Variants in SLC27A2 observed in about 807,000 individuals in gnomAD.
The protein encoded by SLC27A2 is long-chain fatty acid transport protein 2.
A neutral mutation model predicts 60.0 loss-of-function variants in SLC27A2; 54 were observed. The observed-to-expected ratio is 0.90, with a 90% CI of 0.72 to 1.13. The LOEUF is 1.13. SLC27A2 is among the 50% of genes most tolerant of loss of function. The pLI is 0.00. For missense variants in SLC27A2, 739 were observed against 777.6 expected (o/e 0.95, Z 0.59); for synonymous variants, 297 against 297.6 (o/e 1.00, Z 0.02).
chr15:50,195,739 A>G (rs894094909), intron 1 of SLC27A2, among the ~76,000 whole-genome samples: 3 of 151,832 alleles, frequency 2.0e-5, no homozygotes, highest in Admixed American at 6.6e-5. Context: ...AAAACAAAGC[A>G]TATCAGATGA....
chr15:50,229,092 A>G lies in SLC27A2; in HGVS notation c.1555+50A>G, dbSNP rs773934990. 6 of 1,358,418 alleles carry G rather than the reference A, an allele frequency of 4.4e-6. No homozygotes were observed. The South Asian group carries it at 6.1e-5, about 14-fold the overall frequency. 84.1% of individuals were successfully genotyped at this position (1,358,418 alleles called of 1,614,324 possible). On this transcript the variant is annotated intron_variant, in intron 8 of 9. Coordinates refer to ENST00000267842, the MANE Select transcript of SLC27A2 (RefSeq NM_003645.4). ...CTAACCCATAGAGTAACTGAACATA[A>G]TTTTGGCCTCAAGGCGAAGTTTGTC...
At chr15:50,188,632 G>A (rs759319421) in intron 1 of SLC27A2, among the ~76,000 whole-genome samples, 18 of 152,150 alleles carry the variant, frequency 1.2e-4, no homozygotes, top group Admixed American at 2.0e-4. Flanking sequence ...TAATTCCCTA[G>A]TAATGTCTAG....
chr15:50,232,849 C>T (rs1400569238), intron 8 of SLC27A2, among the ~76,000 whole-genome samples: 1 of 152,040 alleles, frequency 6.6e-6, no homozygotes, highest in African/African-American at 2.4e-5. Flanking sequence ...TGCTGTTTGC[C>T]TTCTTTAGAG....
chr15:50,195,832 G>A (rs1030138766), intron 1 of SLC27A2, among the ~76,000 whole-genome samples: 2 of 150,406 alleles, frequency 1.3e-5, no homozygotes, highest in African/African-American at 4.9e-5. Flanking sequence ...GAGGCGGGCG[G>A]ATCCCGAGGT....
intron 1 of SLC27A2, among the ~76,000 whole-genome samples, chr15:50,187,783 C>T (rs1268027403): frequency 6.6e-6 from 1 of 152,138 alleles, no homozygotes; most frequent in Non-Finnish European, 1.5e-5. Flanking sequence ...AGGAAAAATG[C>T]TTACAATAGC....
intron 1 of SLC27A2, 28 bp from the exon 2 acceptor site, chr15:50,197,472 G>A: frequency 6.5e-7 from 1 of 1,542,424 alleles, no homozygotes; most frequent in Non-Finnish European, 9.0e-7. Flanking sequence ...GATTTAGTTT[G>A]TTTTGATATT....
rs550484816 is a variant in SLC27A2, at chr15:50,197,422, T to G, written c.479-78T>G. ...CAAAAAATTATGCTGAAAATAAAAT[T>G]ATGATGCTTGTTGAAGCACTAATAG... On this transcript the variant is annotated intron_variant, in intron 1 of 9. Transcript: ENST00000267842. 2.2e-5 allele frequency: 24 copies of G among 1,103,092 alleles called. No homozygotes were observed. The South Asian group carries it at 3.1e-4, about 14-fold the overall frequency. The allele number at this position is 1,103,092 out of a possible 1,614,324, so 68.3% of individuals were successfully genotyped here.
At position 50,182,587 on chromosome 15, in the gene SLC27A2, A is replaced by G. The variant is rs772082726; in HGVS notation, c.160A>G (p.Thr54Ala). The change falls in exon 1 of 10, where the codon ACC becomes GCC. Residue 54 changes from threonine to alanine, a missense_variant. Transcript: ENST00000267842. ...CTACGGGAAGCGGCGGCCGGCGCGC[A>G]CCATCCTGCGGGCGTTCCTGGAGAA... is the stretch of plus-strand genomic sequence containing the variant. Reference protein sequence around the residue: ...RSYGKRRPARTILRAFLEKAR... With the variant: ...RSYGKRRPARAILRAFLEKAR... The G allele has an allele frequency of 1.2e-6, 2 of 1,612,508 alleles. No homozygotes were observed. The highest frequency in any genetic ancestry group is 1.3e-5 in the African/African-American group (1 of 74,888).
chr15:50,220,053 C>G (rs1365411573), intron 4 of SLC27A2, among the ~76,000 whole-genome samples: 1 of 152,192 alleles, frequency 6.6e-6, no homozygotes, highest in Non-Finnish European at 1.5e-5. Context: ...ATCTTAGAAG[C>G]CTCCAGGATC....
At chr15:50,224,874 C>G (rs745900307) in intron 5 of SLC27A2, among the ~76,000 whole-genome samples, 1 of 152,152 alleles carries the variant, frequency 6.6e-6, no homozygotes, top group South Asian at 2.1e-4. Context: ...GACTGAGAAT[C>G]GATCTCCTAC....
intron 4 of SLC27A2, among the ~76,000 whole-genome samples, chr15:50,222,432 C>T (rs979755062): frequency 1.2e-4 from 18 of 152,240 alleles, no homozygotes; most frequent in African/African-American, 4.3e-4. Context: ...CTCTCTCTGT[C>T]GCTCACTGGA....
intron 4 of SLC27A2, among the ~76,000 whole-genome samples, chr15:50,214,730 T>C (rs181624715): frequency 6.6e-6 from 1 of 152,214 alleles, no homozygotes; most frequent in Admixed American, 6.5e-5. Context: ...ATAATCTCAA[T>C]AGGTGCAGAA....
chr15:50,227,314 C>T, intron 7 of SLC27A2, 136 bp downstream of exon 7: 1 of 674,826 alleles, frequency 1.5e-6, no homozygotes, highest in East Asian at 2.7e-5. Context: ...CTCCTGTGTT[C>T]CCAGAGAATG....
rs2140899897 is a variant in SLC27A2, at chr15:50,197,560, A to G, written c.539A>G (p.Tyr180Cys). 3.7e-6 allele frequency: 6 copies of G among 1,614,052 alleles called. No individual in the cohort carries two copies. The African/African-American group carries it at 4.0e-5, about 11-fold the overall frequency. ...PSLKKDDVSIYYVSRTSNTDG... is the reference protein window; with the variant it reads ...PSLKKDDVSICYVSRTSNTDG... ...CTTAAAAAAGATGATGTGTCCATCTATTATGTGAGCAGAACTTCTAACACA... is the reference window on the plus strand; with the variant it reads ...CTTAAAAAAGATGATGTGTCCATCTGTTATGTGAGCAGAACTTCTAACACA... Residue 180 changes from tyrosine to cysteine, a missense_variant, in exon 2 of 10, where the codon TAT (tyrosine) becomes TGT (cysteine). By Grantham distance (194) the Tyr-to-Cys change is radical. Transcript: ENST00000267842.
chr15:50,230,802 T>A (rs1246982627), intron 8 of SLC27A2, among the ~76,000 whole-genome samples: 1 of 152,204 alleles, frequency 6.6e-6, no homozygotes, highest in African/African-American at 2.4e-5. Flanking sequence ...AAATGCTTGA[T>A]TTTAAAAAGA....
intron 1 of SLC27A2, among the ~76,000 whole-genome samples, chr15:50,187,659 T>G (rs2044935782): frequency 6.6e-6 from 1 of 152,150 alleles, no homozygotes; most frequent in Non-Finnish European, 1.5e-5. Flanking sequence ...TTAAAGATAC[T>G]CTCTGTTGCA....
chr15:50,186,009 G>A (rs1211727611), intron 1 of SLC27A2, among the ~76,000 whole-genome samples: 3 of 151,956 alleles, frequency 2.0e-5, no homozygotes, highest in Admixed American at 6.6e-5. Context: ...AAGTGGAGGA[G>A]GGAGGATCAC....
At chr15:50,223,352 T>C (rs749889493) in intron 5 of SLC27A2, among the ~76,000 whole-genome samples, 193 bp downstream of exon 5, 8 of 152,162 alleles carry the variant, frequency 5.3e-5, no homozygotes, top group Non-Finnish European at 8.8e-5. Flanking sequence ...ATTAAAAGCA[T>C]CTCAACTTCT....
At chr15:50,208,713 G>T (rs1330075954) in intron 4 of SLC27A2, among the ~76,000 whole-genome samples, 2 of 152,218 alleles carry the variant, frequency 1.3e-5, no homozygotes, top group East Asian at 3.8e-4. Context: ...CTGAGGTTGA[G>T]TAGGGGATGG....
Sources: gnomAD v4.1 joint callset for allele counts (sites outside exome capture counted in the v4.1 genomes callset) on GRCh38, gnomAD v4.1.1 for gene constraint, MANE v1.5 for transcripts, NCBI Gene and HGNC (gene_info 2026-07-23, HGNC 2026-07-21) for gene names.